Variants in CYTH3 observed in about 807,000 individuals in gnomAD.
CYTH3 encodes cytohesin 3, also known as cytohesin-3.
CYTH3 carries 23 observed loss-of-function variants against 55.1 expected under a neutral mutation model. That is an observed-to-expected ratio of 0.42 (90% CI 0.30 to 0.59). The LOEUF (loss-of-function observed/expected upper bound fraction) is 0.59, where lower values mean the gene tolerates loss of function less well. Ranked by LOEUF, CYTH3 falls within the 20% of genes least tolerant of loss-of-function variation. The pLI, the probability that CYTH3 is intolerant of heterozygous loss-of-function variation, is 0.20. For synonymous variants in CYTH3, 249 were observed against 194.9 expected (o/e 1.28, Z -2.31); for missense variants, 413 against 524.8 (o/e 0.79, Z 2.08).
intron 1 of CYTH3, among the ~76,000 whole-genome samples, chr7:6,190,926 A>T (rs1783787291): frequency 6.6e-6 from 1 of 151,714 alleles, no homozygotes; most frequent in Non-Finnish European, 1.5e-5. Context: ...AAAATACAAA[A>T]ATCAGCTGGG....
intron 1 of CYTH3, among the ~76,000 whole-genome samples, chr7:6,206,327 T>C (rs1784187067): frequency 6.6e-6 from 1 of 152,238 alleles, no homozygotes; most frequent in Non-Finnish European, 1.5e-5. Flanking sequence ...AACACGATGC[T>C]AGGTGAAATG....
chr7:6,171,155 T>A lies in CYTH3; in HGVS notation c.562+47A>T, dbSNP rs1435989332. 1.9e-6 allele frequency: 3 copies of A among 1,607,290 alleles called. No individual in the cohort carries two copies. Among genetic ancestry groups the A allele is most frequent in the Non-Finnish European group, 2.6e-6 (3 of 1,174,282 alleles). On this transcript the variant is annotated intron_variant, in intron 7 of 12. Coordinates refer to ENST00000350796, the MANE Select transcript of CYTH3 (RefSeq NM_004227.4). This position sits in a 1 kb window ranked among gnomAD's most constrained non-coding sequence, Gnocchi z 6.7. ...CCACAGGGGCCGCCCCCTCCAGAGC[T>A]GGAGGCTGTGCCTGGCAAGGGGCCA...
rs1783166904 is a variant in CYTH3 at position 6,170,868 on chromosome 7, T to C, written c.673A>G (p.Ile225Val). The change falls in exon 8 of 13, where the codon ATC becomes GTC. Residue 225 changes from isoleucine (I) to valine (V), a missense_variant. Ile to Val is a conservative substitution (Grantham distance 29, BLOSUM62 3). Around this residue, in one of 4 missense-constraint regions of CYTH3, gnomAD observed 156 missense variants for 233.1 expected, o/e 0.67. Coordinates refer to ENST00000350796, the MANE Select transcript of CYTH3 (RefSeq NM_004227.4). This position sits in a 1 kb window ranked among gnomAD's most constrained non-coding sequence, Gnocchi z 7.8. ...TCAGGGAGGTCCCCGCCCTCGTTGA[T>C]GCCGCGGTTCATGGCGATGAACCGT... is the stretch of plus-strand genomic sequence containing the variant. ...AERFIAMNRGINEGGDLPEEL... is the reference protein window; with the variant it reads ...AERFIAMNRGVNEGGDLPEEL... 1 of 1,613,536 alleles carries C rather than the reference T, an allele frequency of 6.2e-7. No homozygotes were observed. Among genetic ancestry groups the C allele is most frequent in the Non-Finnish European group, 8.5e-7 (1 of 1,179,740 alleles).
At position 6,225,600 on chromosome 7, in the gene CYTH3, C is replaced by T. The variant is rs537079986; in HGVS notation, c.35-35069G>A. On this transcript the variant is annotated intron_variant, in intron 1 of 12. Transcript: ENST00000350796. ...CGAACACCCGACCTCAGGTGATCCA[C>T]CCACCTTGGCCTCTCAAAGTGCTGG... Among the ~76,000 whole-genome samples the T allele has an allele frequency of 5.9e-5, 9 of 152,154 alleles. No homozygotes were observed. In the East Asian group the frequency reaches 1.5e-3, roughly 26 times the overall value.
At chr7:6,257,179 C>T (rs1461534335) in intron 1 of CYTH3, among the ~76,000 whole-genome samples, 1 of 152,114 alleles carries the variant, frequency 6.6e-6, no homozygotes, top group Non-Finnish European at 1.5e-5. Flanking sequence ...GAAGTGTGGT[C>T]ATATACTGAA....
chr7:6,193,894 C>T (rs1783859862), intron 1 of CYTH3, among the ~76,000 whole-genome samples: 3 of 152,152 alleles, frequency 2.0e-5, no homozygotes, highest in Non-Finnish European at 1.5e-5. Flanking sequence ...CTGGGCTCCC[C>T]GACTGCAGGC....
intron 1 of CYTH3, among the ~76,000 whole-genome samples, chr7:6,198,427 TCTG>T (rs1783988288): frequency 6.6e-6 from 1 of 152,194 alleles, no homozygotes; most frequent in Non-Finnish European, 1.5e-5. Context: ...AGTCACAGAA[TCTG>T]CTGATACACA....
chr7:6,258,320 AAAAAG>A (rs1780185791), intron 1 of CYTH3, among the ~76,000 whole-genome samples: 4 of 151,912 alleles, frequency 2.6e-5, no homozygotes, highest in South Asian at 2.1e-4. Context: ...CTCAAAAAAA[AAAAAG>A]AAAAGAAAAG....
In CYTH3 at chr7:6,171,758, C is replaced by T. The variant is rs1783204027; in HGVS notation, c.450-444G>A. 5.6e-6 allele frequency: 1 copy of T among 178,922 alleles called. No individual in the cohort carries two copies. The highest frequency in any genetic ancestry group is 2.3e-5 in the African/African-American group (1 of 42,808). 11.1% of individuals were successfully genotyped at this position (178,922 alleles called of 1,614,324 possible). A position where few individuals can be genotyped will look rare whatever the true frequency, so the allele number is the denominator to read the frequency against. ...ACGGTATCCAAAGCCCCACCTACAG[C>T]ACTGGGCGCTGCGGTCAGAAGCTGC... On this transcript the variant is annotated intron_variant, in intron 6 of 12. Transcript: ENST00000350796. The surrounding 1 kb of genome is among the most constrained non-coding windows in gnomAD (Gnocchi z 6.7).
chr7:6,265,907 G>C (rs907312128), intron 1 of CYTH3, among the ~76,000 whole-genome samples: 1 of 151,034 alleles, frequency 6.6e-6, no homozygotes, highest in African/African-American at 2.5e-5. Context: ...TACTGAGATG[G>C]AGAGACTTAC....
In CYTH3 at chr7:6,219,003, C is replaced by CAA. The variant is rs35386425; in HGVS notation, c.35-28474_35-28473dup. ...CTGGCAACGGGGAGAGACTCCGTCT[C>CAA]AAAAAAAAAAAAAAAAAAAAAAAAC... On this transcript the variant is annotated intron_variant, in intron 1 of 12. Coordinates refer to ENST00000350796, the MANE Select transcript of CYTH3 (RefSeq NM_004227.4). Among the ~76,000 whole-genome samples, 469 of 73,826 alleles carry CAA rather than the reference C, an allele frequency of 6.4e-3. 3 individuals carry two copies. The highest frequency in any genetic ancestry group is 8.8e-3 in the South Asian group (18 of 2,042). 48.4% of individuals were successfully genotyped at this position (73,826 alleles called of 152,430 possible).
chr7:6,168,490 T>C (rs924243605), intron 9 of CYTH3, among the ~76,000 whole-genome samples: 3 of 152,010 alleles, frequency 2.0e-5, no homozygotes, highest in African/African-American at 7.2e-5. Context: ...TCGCCAGCCT[T>C]TGGTCTCGAA....
At position 6,182,859 on chromosome 7, in the gene CYTH3, T is replaced by C. The variant is rs367957995; in HGVS notation, c.249+4191A>G. On this transcript the variant is annotated intron_variant, in intron 4 of 12. Transcript: ENST00000350796. ...CCTCCAGCCTTAGTTCTTCTGTTTG[T>C]TGGGTTTCATGTCTCTTTCATGGTG... Among the ~76,000 whole-genome samples the C allele has an allele frequency of 1.2e-4, 18 of 152,290 alleles. No individual in the cohort carries two copies. In the East Asian group the frequency reaches 1.5e-3, roughly 13 times the overall value.
At chr7:6,182,358 C>CT (rs1783526281) in intron 4 of CYTH3, among the ~76,000 whole-genome samples, 1 of 152,044 alleles carries the variant, frequency 6.6e-6, no homozygotes, top group Non-Finnish European at 1.5e-5. Flanking sequence ...CCTCCTGCTT[C>CT]TTTTTTAAGA....
At chr7:6,253,799 G>A in intron 1 of CYTH3, among the ~76,000 whole-genome samples, 1 of 151,914 alleles carries the variant, frequency 6.6e-6, no homozygotes, top group Non-Finnish European at 1.5e-5. Flanking sequence ...CTGGGTGACA[G>A]AGTGAGATGC....
At position 6,179,804 on chromosome 7, in the gene CYTH3, ACACACCACACACACAC is replaced by A. The variant is rs1212160907; in HGVS notation, c.250-1879_250-1864del. 7.7e-3 allele frequency among the ~76,000 whole-genome samples: 975 copies of A among 125,944 alleles called. 4 individuals carry two copies. Among genetic ancestry groups the A allele is most frequent in the Non-Finnish European group, 0.011 (688 of 60,650 alleles). 82.6% of individuals were successfully genotyped at this position (125,944 alleles called of 152,430 possible). A position where few individuals can be genotyped will look rare whatever the true frequency, so the allele number is the denominator to read the frequency against. On this transcript the variant is annotated intron_variant, in intron 4 of 12. Transcript: ENST00000350796. ...ACCACCTACCACACACACCCACCAC[ACACACCACACACACAC>A]CACACACGCACACCACATACACCAC...
At chr7:6,233,271 C>T (rs923764141) in intron 1 of CYTH3, among the ~76,000 whole-genome samples, 2 of 152,158 alleles carry the variant, frequency 1.3e-5, no homozygotes, top group African/African-American at 4.8e-5. Flanking sequence ...CCTCTACACA[C>T]TGTTTCTCCT....
intron 1 of CYTH3, among the ~76,000 whole-genome samples, chr7:6,264,946 T>A (rs1780449479): frequency 6.6e-6 from 1 of 152,074 alleles, no homozygotes; most frequent in Admixed American, 6.6e-5. Flanking sequence ...ATGAATGTGA[T>A]TTTAGATAGG....
intron 1 of CYTH3, among the ~76,000 whole-genome samples, chr7:6,253,436 T>C (rs1780022362): frequency 6.6e-6 from 1 of 151,672 alleles, no homozygotes; most frequent in South Asian, 2.1e-4. Context: ...CTTGAACTCC[T>C]GGCCTCAAGT....
Sources: gnomAD v4.1 joint callset for allele counts (sites outside exome capture counted in the v4.1 genomes callset) on GRCh38, gnomAD v4.1.1 for gene constraint, gnomAD v4.1.1 regional missense constraint, Gnocchi (gnomAD v3.1) non-coding constraint, MANE v1.5 for transcripts, NCBI Gene and HGNC (gene_info 2026-07-23, HGNC 2026-07-21) for gene names.